The following CARMIL3 variants were observed in gnomAD, a reference collection of about 807,000 sequenced individuals.
The protein encoded by CARMIL3 is capping protein regulator and myosin 1 linker 3.
A neutral mutation model predicts 180.8 loss-of-function variants in CARMIL3; 88 were observed. The ratio of observed to expected loss-of-function variants is 0.49; its 90% CI spans 0.41 to 0.58. The LOEUF (loss-of-function observed/expected upper bound fraction) is 0.58, where lower values mean the gene tolerates loss of function less well. Ranked by LOEUF, CARMIL3 falls within the 20% of genes least tolerant of loss-of-function variation. CARMIL3 has a pLI of 0.00. For missense variants in CARMIL3, 1,548 were observed against 1,787.0 expected, an observed-to-expected ratio of 0.87 and a Z score of 2.41; for synonymous variants, 696 against 714.5, an observed-to-expected ratio of 0.97 and a Z score of 0.41.
chr14:24,055,477 T>G, intron 8 of CARMIL3, 66 bp from the exon 9 acceptor site: 1 of 1,577,636 alleles, frequency 6.3e-7, no homozygotes, highest in Non-Finnish European at 8.7e-7. Context: ...ACCCTATCCT[T>G]GGTCTCTTCT....
Position 24,058,160 on chromosome 14 carries a change from T to C in CARMIL3, c.1328T>C (p.Leu443Pro). 2 of 1,613,858 alleles carry C rather than the reference T, an allele frequency of 1.2e-6. No homozygotes were observed. Among genetic ancestry groups the C allele is most frequent in the South Asian group, 2.2e-5 (2 of 91,082 alleles). Residue 443 changes from leucine (L) to proline (P), a missense_variant, in exon 17 of 40, where the codon CTG (leucine) becomes CCG (proline). Leu to Pro is a moderately conservative substitution (Grantham distance 98, BLOSUM62 -3). Around this residue, in one of 4 missense-constraint regions of CARMIL3, gnomAD observed 578 missense variants for 666.5 expected, o/e 0.87. Coordinates refer to ENST00000342740, the MANE Select transcript of CARMIL3 (RefSeq NM_138360.4). This position sits in a 1 kb window ranked among gnomAD's most constrained non-coding sequence, Gnocchi z 6.4. The stretch of plus-strand genomic sequence containing the variant: ...TGCTGACCTCCCTCCCACAGGGCGC[T>C]GCTTCAGGGCCTCTCCCTCAACAGT... ...TKLPLEALRA[L>P]LQGLSLNSHL...
Position 24,052,041 on chromosome 14 carries a change from C to G in CARMIL3, c.-113C>G. 6 of 1,086,306 alleles carry G rather than the reference C, an allele frequency of 5.5e-6. No homozygotes were observed. The highest frequency in any genetic ancestry group is 3.3e-5 in the East Asian group (1 of 30,668). 67.3% of individuals were successfully genotyped at this position (1,086,306 alleles called of 1,614,324 possible). A position where few individuals can be genotyped will look rare whatever the true frequency, so the allele number is the denominator to read the frequency against. On this transcript the variant is annotated 5_prime_UTR_variant, in exon 1 of 40. Coordinates refer to ENST00000342740, the MANE Select transcript of CARMIL3 (RefSeq NM_138360.4). Reference sequence around the variant, plus strand: ...CGCCCCTGACCGGAGCGGGCTCGGCCGCTGCTGCAGCGCTCAGCGCCCGGG... The same window carrying G: ...CGCCCCTGACCGGAGCGGGCTCGGCGGCTGCTGCAGCGCTCAGCGCCCGGG...
chr14:24,065,589 G>T, intron 33 of CARMIL3, 33 bp from the exon 34 acceptor site: 1 of 1,579,914 alleles, frequency 6.3e-7, no homozygotes, highest in Non-Finnish European at 8.6e-7. Context: ...CCTTCGACTG[G>T]GAACTGCTAA....
In CARMIL3 at chr14:24,060,335, G is replaced by A. The variant is rs1158984374; in HGVS notation, c.2061+80G>A. 5.4e-6 allele frequency: 8 copies of A among 1,470,488 alleles called. No homozygotes were observed. In the Admixed American group the frequency reaches 1.4e-4, roughly 26 times the overall value. 91.1% of individuals were successfully genotyped at this position (1,470,488 alleles called of 1,614,324 possible). ...TGATGTGATGGAAAATTGAGTGGGGGAGCATGAAGAGGCACTGCATGGTGC... is the reference window on the plus strand; with the variant it reads ...TGATGTGATGGAAAATTGAGTGGGGAAGCATGAAGAGGCACTGCATGGTGC... On this transcript the variant is annotated intron_variant, in intron 24 of 39. Coordinates refer to ENST00000342740, the MANE Select transcript of CARMIL3 (RefSeq NM_138360.4).
chr14:24,055,563 C>T lies in CARMIL3; in HGVS notation c.626C>T (p.Ala209Val). 2 of 1,614,188 alleles carry T rather than the reference C, an allele frequency of 1.2e-6. No homozygotes were observed. The highest frequency in any genetic ancestry group is 8.5e-7 in the Non-Finnish European group (1 of 1,180,030). The change falls in exon 9 of 40, where the codon GCA (alanine) becomes GTA (valine). Residue 209 changes from alanine to valine, a missense_variant. Ala to Val is a moderately conservative substitution (Grantham distance 64). This residue lies in a region of CARMIL3 where 578 missense variants were observed against 666.5 expected (regional missense o/e 0.87). Transcript: ENST00000342740. The stretch of plus-strand genomic sequence containing the variant: ...CACAGAGACTTGGCCCTAATGGTAG[C>T]AGCCCTGGCCTACAACCAGTGGTTC... Reference protein sequence around the residue: ...LESRDLALMVAALAYNQWFTK... With the variant: ...LESRDLALMVVALAYNQWFTK...
intron 12 of CARMIL3, 55 bp downstream of exon 12, chr14:24,056,763 G>A: frequency 1.3e-6 from 2 of 1,574,092 alleles, no homozygotes; most frequent in Non-Finnish European, 1.7e-6. Flanking sequence ...TGCCTGGGGT[G>A]TTGAGCTCCA....
rs1010835918 is a variant in CARMIL3 at position 24,065,083 on chromosome 14, G to A, written c.3206G>A (p.Gly1069Glu). The change falls in exon 33 of 40, where the codon GGG becomes GAG. Residue 1069 changes from glycine to glutamate, a missense_variant. By Grantham distance (98) the Gly-to-Glu change is moderately conservative (BLOSUM62 -2). Transcript: ENST00000342740. ...RRPRSFKGDR[G>E]PGSPTTGLLL... ...CCCCGGAGCTTCAAGGGGGACAGGGGGCCGGGGTCCCCTACCACTGGACTC... is the reference window on the plus strand; with the variant it reads ...CCCCGGAGCTTCAAGGGGGACAGGGAGCCGGGGTCCCCTACCACTGGACTC... The A allele has an allele frequency of 6.3e-7, 1 of 1,585,256 alleles. No individual in the cohort carries two copies. The highest frequency in any genetic ancestry group is 8.6e-7 in the Non-Finnish European group (1 of 1,168,734).
rs1170678156 is a variant in CARMIL3 at position 24,069,633 on chromosome 14, G to A, written c.*229G>A. ...ACCTCTCTCTGCAGAGAGCTTCTGG[G>A]TGGGGGCTTATCTCCTCCCCCAGGA... On this transcript the variant is annotated 3_prime_UTR_variant, in exon 40 of 40. Coordinates refer to ENST00000342740, the MANE Select transcript of CARMIL3 (RefSeq NM_138360.4). The A allele has an allele frequency of 6.8e-6, 4 of 589,178 alleles. No individual in the cohort carries two copies. Among genetic ancestry groups the A allele is most frequent in the African/African-American group, 5.6e-5 (3 of 53,586 alleles). The allele number at this position is 589,178 out of a possible 1,614,324, so 36.5% of individuals were successfully genotyped here. A position where few individuals can be genotyped will look rare whatever the true frequency, so the allele number is the denominator to read the frequency against.
chr14:24,065,971 G>A lies in CARMIL3; in HGVS notation c.3525+221G>A, dbSNP rs527351057. Among the ~76,000 whole-genome samples, 8 of 152,006 alleles carry A rather than the reference G, an allele frequency of 5.3e-5. No individual in the cohort carries two copies. In the East Asian group the frequency reaches 1.6e-3, roughly 30 times the overall value. ...CTCCTTCTTTACTGTAAAATGAGGG[G>A]TTATAAAAATACTTACCTCTAGAGC... On this transcript the variant is annotated intron_variant, in intron 34 of 39. Coordinates refer to ENST00000342740, the MANE Select transcript of CARMIL3 (RefSeq NM_138360.4).
At chr14:24,056,216 A>AGTC in intron 10 of CARMIL3, 83 bp from the exon 11 acceptor site, 1 of 1,123,810 alleles carries the variant, frequency 8.9e-7, no homozygotes, top group Non-Finnish European at 1.3e-6. Context: ...CCAGCCAGGC[A>AGTC]GTCAGGTAGA....
intron 31 of CARMIL3, among the ~76,000 whole-genome samples, chr14:24,064,023 G>A (rs1240450893): frequency 2.0e-5 from 3 of 151,816 alleles, no homozygotes; most frequent in Non-Finnish European, 4.4e-5. Flanking sequence ...GAACCCAGGA[G>A]GCGGAGGTTG....
At chr14:24,063,016 C>A in intron 29 of CARMIL3, 104 bp from the exon 30 acceptor site, 1 of 1,542,454 alleles carries the variant, frequency 6.5e-7, no homozygotes, top group Non-Finnish European at 8.9e-7. Context: ...AGTGCCTCAG[C>A]CCCCTGAGGA....
chr14:24,057,724 G>T, intron 14 of CARMIL3, 79 bp from the exon 15 acceptor site: 1 of 1,240,856 alleles, frequency 8.1e-7, no homozygotes, highest in Non-Finnish European at 1.1e-6. Context: ...AACCTCGATG[G>T]GGAGGGAGGG....
rs1257352265 is a variant in CARMIL3, at chr14:24,054,084, G to T, written c.136-4G>T. On this transcript the variant is annotated splice_region_variant and splice_polypyrimidine_tract_variant and intron_variant, in intron 2 of 39. Coordinates refer to ENST00000342740, the MANE Select transcript of CARMIL3 (RefSeq NM_138360.4). The surrounding 1 kb of genome is among the most constrained non-coding windows in gnomAD (Gnocchi z 5.1). ...GAGCTGCCGATTTTTTCCTCTCTCT[G>T]TAGGCCCTGACCTCCTGGCGCCTCC... The T allele has an allele frequency of 1.2e-6, 2 of 1,613,514 alleles. No individual in the cohort carries two copies. Among genetic ancestry groups the T allele is most frequent in the Admixed American group, 1.7e-5 (1 of 60,022 alleles).
intron 38 of CARMIL3, 27 bp downstream of exon 38, chr14:24,068,993 C>T (rs755439271): frequency 1.9e-6 from 3 of 1,539,040 alleles, no homozygotes; most frequent in Non-Finnish European, 1.8e-6. Context: ...GAGTGGGGGG[C>T]TCAGGGCACC....
Position 24,065,685 on chromosome 14 carries a change from G to C in CARMIL3, c.3460G>C (p.Val1154Leu). 1 of 1,614,118 alleles carries C rather than the reference G, an allele frequency of 6.2e-7. No individual in the cohort carries two copies. The highest frequency in any genetic ancestry group is 8.5e-7 in the Non-Finnish European group (1 of 1,179,986). The change falls in exon 34 of 40, where the codon GTT becomes CTT. Residue 1154 changes from valine to leucine, a missense_variant. Coordinates refer to ENST00000342740, the MANE Select transcript of CARMIL3 (RefSeq NM_138360.4). ...PAPGTAQQPRVHGVALPGLER... is the reference protein window; with the variant it reads ...PAPGTAQQPRLHGVALPGLER... ...CCCTGGGACAGCACAGCAGCCAAGG[G>C]TTCACGGTGTTGCCCTTCCCGGGTT...
chr14:24,057,349 C>A, intron 14 of CARMIL3, 105 bp downstream of exon 14: 1 of 1,015,750 alleles, frequency 9.8e-7, no homozygotes, highest in South Asian at 1.4e-5. Context: ...GCAGAGCTGT[C>A]TAGATGACTT....
Position 24,054,965 on chromosome 14 carries a change from C to T in CARMIL3, c.461-101C>T. The stretch of plus-strand genomic sequence containing the variant: ...AGGAAGTTCATGGCATAGCAAGAAC[C>T]AAGAGCACTGGCACATAAAGTGACC... On this transcript the variant is annotated intron_variant, in intron 6 of 39. Coordinates refer to ENST00000342740, the MANE Select transcript of CARMIL3 (RefSeq NM_138360.4). This position sits in a 1 kb window ranked among gnomAD's most constrained non-coding sequence, Gnocchi z 5.1. The T allele has an allele frequency of 1.4e-6, 2 of 1,447,402 alleles. No homozygotes were observed. The highest frequency in any genetic ancestry group is 1.9e-6 in the Non-Finnish European group (2 of 1,040,306). The allele number at this position is 1,447,402 out of a possible 1,614,324, so 89.7% of individuals were successfully genotyped here.
chr14:24,059,944 C>T lies in CARMIL3; in HGVS notation c.1869-26C>T. The T allele has an allele frequency of 6.2e-7, 1 of 1,612,750 alleles. No homozygotes were observed. The highest frequency in any genetic ancestry group is 2.2e-5 in the East Asian group (1 of 44,876). On this transcript the variant is annotated intron_variant, in intron 22 of 39. Coordinates refer to ENST00000342740, the MANE Select transcript of CARMIL3 (RefSeq NM_138360.4). The surrounding 1 kb of genome is among the most constrained non-coding windows in gnomAD (Gnocchi z 6.3). ...GGCCTCCCATCCTCACCTGTTCCCA[C>T]CCAGCTGTGCCCCTGTGTCCCACAG...
Sources: gnomAD v4.1 joint callset for allele counts (sites outside exome capture counted in the v4.1 genomes callset) on GRCh38, gnomAD v4.1.1 for gene constraint, gnomAD v4.1.1 regional missense constraint, Gnocchi (gnomAD v3.1) non-coding constraint, MANE v1.5 for transcripts, NCBI Gene and HGNC (gene_info 2026-07-23, HGNC 2026-07-21) for gene names.